The following COL23A1 variants were observed in gnomAD, a reference collection of about 807,000 sequenced individuals.
The protein encoded by COL23A1 is collagen type XXIII alpha 1 chain.
Under a neutral mutation model 99.3 loss-of-function variants are expected in COL23A1, and 97 were observed. That is an observed-to-expected ratio of 0.98 (90% CI 0.83 to 1.16). The LOEUF (loss-of-function observed/expected upper bound fraction) is 1.16, where lower values mean the gene tolerates loss of function less well. Ranked by LOEUF, COL23A1 falls within the 50% of genes most tolerant of loss-of-function variation. The pLI is 0.00. For synonymous variants in COL23A1, 320 were observed against 308.2 expected, an observed-to-expected ratio of 1.04 and a Z score of -0.40; for missense variants, 762 against 757.4, an observed-to-expected ratio of 1.01 and a Z score of -0.07.
At chr5:178,380,116 G>A (rs1354135880) in intron 2 of COL23A1, among the ~76,000 whole-genome samples, 1 of 152,064 alleles carries the variant, frequency 6.6e-6, no homozygotes, top group Non-Finnish European at 1.5e-5. Context: ...TTCTACATGT[G>A]GCCTGTTTTG....
chr5:178,575,398 C>T (rs1763298959), intron 1 of COL23A1, among the ~76,000 whole-genome samples: 1 of 152,066 alleles, frequency 6.6e-6, no homozygotes, highest in South Asian at 2.1e-4. Context: ...CAGCATTTCC[C>T]AAGGAAAGCC....
At chr5:178,358,079 T>TA (rs1491240374) in intron 2 of COL23A1, among the ~76,000 whole-genome samples, 1 of 148,484 alleles carries the variant, frequency 6.7e-6, no homozygotes, top group Non-Finnish European at 1.5e-5. Flanking sequence ...TGTGTATGTG[T>TA]ATGTACGTGT....
chr5:178,572,162 G>A (rs1763143297), intron 1 of COL23A1, among the ~76,000 whole-genome samples: 2 of 150,986 alleles, frequency 1.3e-5, no homozygotes, highest in Non-Finnish European at 2.9e-5. Context: ...AATGGCAGAT[G>A]AGACATTGCC....
intron 2 of COL23A1, among the ~76,000 whole-genome samples, chr5:178,558,978 C>T (rs373006806): frequency 3.3e-5 from 5 of 152,114 alleles, no homozygotes; most frequent in South Asian, 2.1e-4. Context: ...TTTGTAGAGA[C>T]AGGGTTTCAC....
At chr5:178,523,334 C>T (rs1007125296) in intron 2 of COL23A1, among the ~76,000 whole-genome samples, 1 of 141,022 alleles carries the variant, frequency 7.1e-6, no homozygotes, top group Admixed American at 7.5e-5. Flanking sequence ...GGCTGAAGCA[C>T]GAGAATCGCT....
At chr5:178,473,293 G>T (rs369584434) in intron 2 of COL23A1, among the ~76,000 whole-genome samples, 1 of 151,740 alleles carries the variant, frequency 6.6e-6, no homozygotes, top group Non-Finnish European at 1.5e-5. Context: ...GCAAGTACAC[G>T]CCATTTGACT....
intron 6 of COL23A1, among the ~76,000 whole-genome samples, chr5:178,269,317 A>ATCCC (rs1756090982): frequency 6.7e-6 from 1 of 149,460 alleles, no homozygotes; most frequent in Non-Finnish European, 1.5e-5. Flanking sequence ...CCATCCATCC[A>ATCCC]TCCATCCATC....
intron 20 of COL23A1, 61 bp from the exon 21 acceptor site, chr5:178,247,892 C>T (rs1441702790): frequency 4.6e-5 from 66 of 1,422,284 alleles, no homozygotes; most frequent in Middle Eastern, 3.5e-4. Flanking sequence ...TACCCGCACC[C>T]GAGCTCATCG....
chr5:178,549,945 T>A (rs1761916552), intron 2 of COL23A1, among the ~76,000 whole-genome samples: 2 of 152,272 alleles, frequency 1.3e-5, no homozygotes, highest in Non-Finnish European at 2.9e-5. Flanking sequence ...TGTACTTTTT[T>A]ATATATTTGA....
intron 3 of COL23A1, among the ~76,000 whole-genome samples, chr5:178,291,568 C>G (rs1213250069): frequency 1.3e-5 from 2 of 152,096 alleles, no homozygotes; most frequent in East Asian, 3.9e-4. Flanking sequence ...GCGGGAGGGC[C>G]GGAGAAGGCA....
rs549887074 is a variant in COL23A1 at position 178,305,258 on chromosome 5, C to T, written c.406+1617G>A. ...GAGAGAAATGAAGGGTGCTTCTTGC[C>T]GGTGAGCGCTAAGGAGTGTATCTGG... On this transcript the variant is annotated intron_variant, in intron 3 of 28. Transcript: ENST00000390654. 3.6e-4 allele frequency among the ~76,000 whole-genome samples: 55 copies of T among 152,202 alleles called. No homozygotes were observed. In the South Asian group the frequency reaches 5.6e-3, roughly 16 times the overall value.
chr5:178,498,363 T>C (rs940233255), intron 2 of COL23A1, among the ~76,000 whole-genome samples: 5 of 147,702 alleles, frequency 3.4e-5, no homozygotes, highest in African/African-American at 1.2e-4. Flanking sequence ...ACACAAATAC[T>C]AGAAGCCAGC....
In COL23A1 at chr5:178,537,258, C is replaced by T. The variant is rs111782818; in HGVS notation, c.361+23424G>A. 7.9e-5 allele frequency among the ~76,000 whole-genome samples: 12 copies of T among 152,154 alleles called. No individual in the cohort carries two copies. The East Asian group carries it at 1.2e-3, about 15-fold the overall frequency. On this transcript the variant is annotated intron_variant, in intron 2 of 28. Coordinates refer to ENST00000390654, the MANE Select transcript of COL23A1 (RefSeq NM_173465.4). ...TTGTAGACGTGCCATCAGGTTCCTG[C>T]GAGGCCCCCTCCCTGCCGCACCCTC...
intron 1 of COL23A1, among the ~76,000 whole-genome samples, chr5:178,582,039 GA>G (rs912003396): frequency 6.6e-6 from 1 of 151,562 alleles, no homozygotes; most frequent in African/African-American, 2.4e-5. Context: ...ATTTAAAAAA[GA>G]AAAAAGTGCG....
Position 178,257,121 on chromosome 5 carries a change from G to A in COL23A1, c.775-193C>T, listed in dbSNP as rs183957989. Among the ~76,000 whole-genome samples, 664 of 152,332 alleles carry A rather than the reference G, an allele frequency of 4.4e-3. 6 individuals are homozygous for A. Among genetic ancestry groups the A allele is most frequent in the Middle Eastern group, 0.017 (5 of 294 alleles). ...GCCCAGGGGACTCAGGACCACGGCC[G>A]CCACCTTCTGGTGTGGGCCTTGGCA... On this transcript the variant is annotated intron_variant, in intron 13 of 28. Transcript: ENST00000390654.
chr5:178,572,213 C>T (rs1403589365), intron 1 of COL23A1, among the ~76,000 whole-genome samples: 1 of 151,848 alleles, frequency 6.6e-6, no homozygotes, highest in East Asian at 1.9e-4. Flanking sequence ...ATGGAAACTA[C>T]CTAAAATGAA....
intron 2 of COL23A1, chr5:178,377,847 C>A (rs368219430): frequency 6.6e-6 from 1 of 152,374 alleles, no homozygotes; most frequent in Non-Finnish European, 1.5e-5. Flanking sequence ...CTGGGGCCCA[C>A]GACACACGGT....
Position 178,468,655 on chromosome 5 carries a change from C to T in COL23A1, c.361+92027G>A, listed in dbSNP as rs1374122733. Reference sequence around the variant, plus strand: ...GAGGGAAGGGCCGGGTCCGAGGTCACGGAGCCTGCAGCTCTCCTCAACTGT... The same window carrying T: ...GAGGGAAGGGCCGGGTCCGAGGTCATGGAGCCTGCAGCTCTCCTCAACTGT... On this transcript the variant is annotated intron_variant, in intron 2 of 28. Coordinates refer to ENST00000390654, the MANE Select transcript of COL23A1 (RefSeq NM_173465.4). The surrounding 1 kb of genome is among the most constrained non-coding windows in gnomAD (Gnocchi z 4.2). 6.6e-6 allele frequency among the ~76,000 whole-genome samples: 1 copy of T among 152,138 alleles called. No individual in the cohort carries two copies. The highest frequency in any genetic ancestry group is 6.5e-5 in the Admixed American group (1 of 15,276).
chr5:178,526,742 G>A (rs909300487), intron 2 of COL23A1, among the ~76,000 whole-genome samples: 2 of 152,098 alleles, frequency 1.3e-5, no homozygotes, highest in African/African-American at 2.4e-5. Flanking sequence ...CCTGAGCCCC[G>A]AATGTGGATT....
Sources: allele counts gnomAD v4.1 joint callset (sites outside exome capture counted in the v4.1 genomes callset), GRCh38; gene constraint gnomAD v4.1.1; non-coding constraint Gnocchi (gnomAD v3.1); transcripts MANE v1.5; gene names NCBI Gene and HGNC (gene_info 2026-07-23, HGNC 2026-07-21).